The following AHNAK variants were observed in gnomAD, a reference collection of about 807,000 sequenced individuals.
The protein encoded by AHNAK is AHNAK nucleoprotein.
In AHNAK, 23 loss-of-function variants were observed where a neutral mutation model predicts 37.8. The observed-to-expected ratio is 0.61, with a 90% CI of 0.44 to 0.86. AHNAK has a LOEUF of 0.86. Among genes scored for constraint, AHNAK ranks in the 40% least tolerant of loss-of-function variants. The pLI is 0.00. For synonymous variants in AHNAK, 2,481 were observed against 2,636.3 expected (o/e 0.94, Z 1.80); for missense variants, 7,411 against 7,319.4 (o/e 1.01, Z -0.46).
chr11:62,474,472 C>T (rs1223142730), intron 5 of AHNAK, among the ~76,000 whole-genome samples: 2 of 152,186 alleles, frequency 1.3e-5, no homozygotes, highest in East Asian at 3.8e-4. Flanking sequence ...TCAGCCACCA[C>T]ACCCGGCCCT....
intron 5 of AHNAK, among the ~76,000 whole-genome samples, chr11:62,440,532 C>T (rs910343519): frequency 6.6e-6 from 1 of 152,238 alleles, no homozygotes; most frequent in Middle Eastern, 3.4e-3. Flanking sequence ...CCTGGGAGCC[C>T]GTTTCTGAGC....
intron 5 of AHNAK, among the ~76,000 whole-genome samples, chr11:62,491,283 G>A (rs995043697): frequency 8.8e-5 from 13 of 148,544 alleles, no homozygotes; most frequent in Non-Finnish European, 4.4e-5. Context: ...TCCCTCCTAG[G>A]AGGCCTGAAA....
chr11:62,529,689 C>T lies in AHNAK; in HGVS notation c.4728G>A (p.Thr1576=), dbSNP rs114326031. The change falls in exon 5 of 5, where the codon ACG becomes ACA. Residue 1576 remains threonine, a synonymous_variant. Transcript: ENST00000378024. ...CAACATCAGGCATAGAGATTTTGTGCGTCTGTATATTCATGCTTGGCATCT... is the reference window on the plus strand; with the variant it reads ...CAACATCAGGCATAGAGATTTTGTGTGTCTGTATATTCATGCTTGGCATCT... The part of the protein sequence containing the change: ...KFKMPSMNIQ[T]HKISMPDVGL... 7.0e-5 allele frequency: 113 copies of T among 1,613,936 alleles called. No individual in the cohort carries two copies. In the African/African-American group the frequency reaches 1.0e-3, roughly 14 times the overall value.
chr11:62,522,517 T>G lies in AHNAK; in HGVS notation c.11900A>C (p.Lys3967Thr). The G allele has an allele frequency of 6.2e-7, 1 of 1,613,960 alleles. No individual in the cohort carries two copies. Among genetic ancestry groups the G allele is most frequent in the Non-Finnish European group, 8.5e-7 (1 of 1,180,010 alleles). Residue 3967 changes from lysine (K) to threonine (T), a missense_variant, in exon 5 of 5, where the codon AAG becomes ACG. Transcript: ENST00000378024. The stretch of plus-strand genomic sequence containing the variant: ...CACATCTGGAACATCAACGTCCACC[T>G]TGGGTCCTGAGACGTCAAGGTCAGC... Reference protein sequence around the residue: ...PKADLDVSGPKVDVDVPDVNI... With the variant: ...PKADLDVSGPTVDVDVPDVNI...
In AHNAK at chr11:62,501,296, C is replaced by T. The variant is rs376436190; in HGVS notation, c.343-9465G>A. Reference sequence around the variant, plus strand: ...CTAGAAGAACTTTGCCTGCCAGGCACGGTGGCTCACGCCTGTAATCCCAAC... The same window carrying T: ...CTAGAAGAACTTTGCCTGCCAGGCATGGTGGCTCACGCCTGTAATCCCAAC... On this transcript the variant is annotated intron_variant, in intron 4 of 5. Transcript: ENST00000257247. Among the ~76,000 whole-genome samples the T allele has an allele frequency of 4.0e-4, 61 of 152,276 alleles. 2 individuals carry two copies. Among genetic ancestry groups the T allele is most frequent in the East Asian group, 3.5e-3 (18 of 5,190 alleles).
Position 62,482,286 on chromosome 11 carries a change from G to A in AHNAK, c.442+9446C>T, listed in dbSNP as rs139497029. ...AAAATTTATCCGGGCGTGGTGGTGCGTGCCTGTAGTTCCAGCTACTCAGGA... is the reference window on the plus strand; with the variant it reads ...AAAATTTATCCGGGCGTGGTGGTGCATGCCTGTAGTTCCAGCTACTCAGGA... On this transcript the variant is annotated intron_variant, in intron 5 of 5. Transcript: ENST00000257247. Among the ~76,000 whole-genome samples the A allele has an allele frequency of 9.2e-5, 14 of 152,218 alleles. 1 individual carries two copies. Among genetic ancestry groups the A allele is most frequent in the African/African-American group, 1.7e-4 (7 of 41,536 alleles).
chr11:62,445,330 G>A (rs1938401065), intron 5 of AHNAK, among the ~76,000 whole-genome samples: 1 of 152,108 alleles, frequency 6.6e-6, no homozygotes, highest in Non-Finnish European at 1.5e-5. Flanking sequence ...CTAATGTTAT[G>A]TTTTAAGCCT....
intron 4 of AHNAK, among the ~76,000 whole-genome samples, chr11:62,497,817 TG>T (rs1339223324): frequency 2.6e-5 from 4 of 151,830 alleles, no homozygotes; most frequent in Non-Finnish European, 5.9e-5. Context: ...AAAACAATTT[TG>T]CCAGGCGTGG....
intron 1 of AHNAK, among the ~76,000 whole-genome samples, chr11:62,542,794 C>T (rs1167651636): frequency 6.6e-6 from 1 of 152,230 alleles, no homozygotes; most frequent in East Asian, 1.9e-4. Context: ...GGGATTAAGA[C>T]ACCAACTCTG....
rs767991971 is a variant in AHNAK, at chr11:62,522,599, T to C, written c.11818A>G (p.Ile3940Val). ...LKMPKIKMPKISMPGFKGEGP... is the reference protein window; with the variant it reads ...LKMPKIKMPKVSMPGFKGEGP... ...TCTCCTTTGAAGCCAGGCATGCTGA[T>C]CTTGGGCATTTTTATCTTAGGCATC... Residue 3940 changes from isoleucine to valine, a missense_variant, in exon 5 of 5, where the codon ATC becomes GTC. Physicochemically the swap from Ile to Val is conservative, Grantham distance 29 (BLOSUM62 3). Coordinates refer to ENST00000378024, the MANE Select transcript of AHNAK (RefSeq NM_001620.3). 26 of 1,591,896 alleles carry C rather than the reference T, an allele frequency of 1.6e-5. No individual in the cohort carries two copies. In the East Asian group the frequency reaches 5.9e-4, roughly 36 times the overall value.
intron 5 of AHNAK, among the ~76,000 whole-genome samples, chr11:62,449,261 T>G (rs1409064943): frequency 6.6e-6 from 1 of 152,228 alleles, no homozygotes; most frequent in Admixed American, 6.5e-5. Flanking sequence ...TTCCGTTCCC[T>G]GGCTGGGGCC....
chr11:62,472,037 G>A (rs1426140307), intron 5 of AHNAK, among the ~76,000 whole-genome samples: 1 of 151,998 alleles, frequency 6.6e-6, no homozygotes, highest in African/African-American at 2.4e-5. Context: ...CCCATGACCC[G>A]GGTCCTCCTC....
At chr11:62,544,429 C>T (rs1941240516) in intron 1 of AHNAK, among the ~76,000 whole-genome samples, 2 of 145,668 alleles carry the variant, frequency 1.4e-5, no homozygotes, top group African/African-American at 5.4e-5. Context: ...TCCCTGTTCT[C>T]TGACCAGTGT....
chr11:62,474,504 A>G (rs2134855479), intron 5 of AHNAK, among the ~76,000 whole-genome samples: 1 of 152,220 alleles, frequency 6.6e-6, no homozygotes, highest in Non-Finnish European at 1.5e-5. Flanking sequence ...ATCTTTAACC[A>G]GCTCCCCAGT....
intron 5 of AHNAK, among the ~76,000 whole-genome samples, chr11:62,462,355 CTG>C (rs2134828888): frequency 6.6e-6 from 1 of 152,316 alleles, no homozygotes; most frequent in East Asian, 1.9e-4. Flanking sequence ...CAGCAGTTTT[CTG>C]TCTCTATTTG....
chr11:62,535,563 G>A (rs892435617), intron 3 of AHNAK, among the ~76,000 whole-genome samples: 4 of 151,990 alleles, frequency 2.6e-5, no homozygotes, highest in African/African-American at 7.2e-5. Context: ...CATAAGAATC[G>A]CTTGAACCCA....
chr11:62,478,663 G>A (rs1442834129), intron 5 of AHNAK, among the ~76,000 whole-genome samples: 3 of 148,770 alleles, frequency 2.0e-5, no homozygotes, highest in Non-Finnish European at 4.4e-5. Context: ...TGCGAGGATC[G>A]CTTGAACCCA....
Position 62,520,244 on chromosome 11 carries a change from C to G in AHNAK, c.14173G>C (p.Asp4725His). 6.2e-7 allele frequency: 1 copy of G among 1,612,912 alleles called. No homozygotes were observed. Among genetic ancestry groups the G allele is most frequent in the Admixed American group, 1.7e-5 (1 of 59,862 alleles). ...GGTCCTTTCAGGTTTAAGTCAATAT[C>G]AGGCATGGAGATCTTGGGGGCTTTG... Reference protein sequence around the residue: ...SIKAPKISMPDIDLNLKGPKV... With the variant: ...SIKAPKISMPHIDLNLKGPKV... Residue 4725 changes from aspartate to histidine, a missense_variant, in exon 5 of 5, where the codon GAT becomes CAT. Asp to His is a moderately conservative substitution (Grantham distance 81). Coordinates refer to ENST00000378024, the MANE Select transcript of AHNAK (RefSeq NM_001620.3).
downstream of AHNAK, among the ~76,000 whole-genome samples, chr11:62,512,256 G>C (rs186309200): frequency 6.6e-6 from 1 of 152,166 alleles, no homozygotes; most frequent in Admixed American, 6.5e-5. The surrounding 1 kb of genome is among the most constrained non-coding windows in gnomAD (Gnocchi z 4.0). Context: ...CTGGGCTCCC[G>C]TGCCCTCCAG....
Sources: gnomAD v4.1 joint callset for allele counts (sites outside exome capture counted in the v4.1 genomes callset) on GRCh38, gnomAD v4.1.1 for gene constraint, Gnocchi (gnomAD v3.1) non-coding constraint, MANE v1.5 for transcripts, NCBI Gene and HGNC (gene_info 2026-07-23, HGNC 2026-07-21) for gene names.